The following FAM76A variants were observed in gnomAD, a reference collection of about 807,000 sequenced individuals.
The protein encoded by FAM76A is protein FAM76A.
A neutral mutation model predicts 46.2 loss-of-function variants in FAM76A; 32 were observed. The ratio of observed to expected loss-of-function variants is 0.69; its 90% CI spans 0.52 to 0.93. The LOEUF (loss-of-function observed/expected upper bound fraction) is 0.93. FAM76A is among the 40% of genes least tolerant of loss of function. FAM76A has a pLI of 0.00. For missense variants in FAM76A, 274 were observed against 361.5 expected, an observed-to-expected ratio of 0.76 and a Z score of 1.96; for synonymous variants, 137 against 127.0, an observed-to-expected ratio of 1.08 and a Z score of -0.53.
chr1:27,739,183 A>C (rs1472244410), intron 4 of FAM76A: 1 of 410,094 alleles, frequency 2.4e-6, no homozygotes, highest in African/African-American at 2.1e-5. Context: ...ATCAGTTCTA[A>C]GGATGCTGGA....
Position 27,734,023 on chromosome 1 carries a change from C to G in FAM76A, c.202-8C>G. On this transcript the variant is annotated splice_polypyrimidine_tract_variant and splice_region_variant and intron_variant, in intron 3 of 8. Transcript: ENST00000373954. ...AATACTTACTTGACTCTTTTTTCCC[C>G]TTTTAAGCCCAAACCTTGTCAGTAT... 1 of 1,596,028 alleles carries G rather than the reference C, an allele frequency of 6.3e-7. No individual in the cohort carries two copies. Among genetic ancestry groups the G allele is most frequent in the South Asian group, 1.2e-5 (1 of 86,906 alleles).
At chr1:27,734,315 A>G (rs897232537) in intron 4 of FAM76A, 132 bp downstream of exon 4, 55 of 810,216 alleles carry the variant, frequency 6.8e-5, no homozygotes, top group Non-Finnish European at 9.8e-5. Context: ...TGGGAGGCCG[A>G]GGCTAGTGGA....
Position 27,749,113 on chromosome 1 carries a change from G to GA in FAM76A, c.563dup (p.Ser189ValfsTer4). On this transcript the variant is annotated frameshift_variant, in exon 6 of 9. Coordinates refer to ENST00000373954, the MANE Select transcript of FAM76A (RefSeq NM_152660.3). LOFTEE classifies it high-confidence loss of function. ...CTTCAATTCAAAATGAAATCCCAAA[G>GA]AAAAAGTCCAAGTTTGAGTCAATCA... is the stretch of plus-strand genomic sequence containing the variant. 6.2e-7 allele frequency: 1 copy of GA among 1,607,170 alleles called. No individual in the cohort carries two copies. Among genetic ancestry groups the GA allele is most frequent in the Non-Finnish European group, 8.5e-7 (1 of 1,178,598 alleles).
chr1:27,737,865 CAACAAAAA>C (rs899200906), intron 4 of FAM76A, among the ~76,000 whole-genome samples: 2 of 34,244 alleles, frequency 5.8e-5, no homozygotes, highest in African/African-American at 2.1e-4. Flanking sequence ...ACAACAACAA[CAACAAAAA>C]AAAAAAAAAA....
Position 27,762,374 on chromosome 1 carries a change from G to C in FAM76A, c.*1793G>C, listed in dbSNP as rs1016286122. ...AGAATCATTTATGCAGGGGGTACTA[G>C]AGTTAGAAATAATAATGAGGGCAGA... On this transcript the variant is annotated 3_prime_UTR_variant, in exon 9 of 9. Transcript: ENST00000373954. The C allele has an allele frequency of 6.6e-6, 1 of 152,110 alleles. No individual in the cohort carries two copies. The highest frequency in any genetic ancestry group is 2.4e-5 in the African/African-American group (1 of 41,406). The allele number at this position is 152,110 out of a possible 1,614,324, so 9.4% of individuals were successfully genotyped here.
intron 6 of FAM76A, among the ~76,000 whole-genome samples, chr1:27,752,461 G>A (rs1311081244): frequency 2.6e-5 from 4 of 152,076 alleles, no homozygotes; most frequent in Non-Finnish European, 5.9e-5. Context: ...AAAATACACT[G>A]GCTACTTTTT....
intron 4 of FAM76A, among the ~76,000 whole-genome samples, chr1:27,738,718 G>C (rs1306285943): frequency 1.3e-5 from 2 of 152,104 alleles, no homozygotes. Flanking sequence ...AAGAGAAAAG[G>C]GTGAGGAGAA....
chr1:27,740,291 C>T, intron 4 of FAM76A: 1 of 796,974 alleles, frequency 1.3e-6, no homozygotes, highest in Non-Finnish European at 2.2e-6. Flanking sequence ...TGAAGGTTGG[C>T]CTTACCATCA....
At chr1:27,747,765 A>G (rs1317166221) in intron 5 of FAM76A, among the ~76,000 whole-genome samples, 3 of 151,900 alleles carry the variant, frequency 2.0e-5, no homozygotes, top group Non-Finnish European at 4.4e-5. Context: ...AAAAATACAA[A>G]ATTAACTGGG....
chr1:27,735,291 C>T (rs1364762231), intron 4 of FAM76A, among the ~76,000 whole-genome samples: 1 of 152,178 alleles, frequency 6.6e-6, no homozygotes, highest in East Asian at 1.9e-4. Context: ...TTATTGTCTT[C>T]ATAGCATCTC....
chr1:27,748,995 G>C (rs2088291209), intron 5 of FAM76A, 73 bp from the exon 6 acceptor site: 1 of 984,892 alleles, frequency 1.0e-6, no homozygotes, highest in African/African-American at 1.7e-5. Context: ...TGGTCTATTT[G>C]ACAGACTTTC....
chr1:27,737,523 T>A (rs2088069624), intron 4 of FAM76A, among the ~76,000 whole-genome samples: 1 of 151,970 alleles, frequency 6.6e-6, no homozygotes. Flanking sequence ...AAGACCAGCC[T>A]GGGCAACATG....
chr1:27,750,652 C>T (rs756272195), intron 6 of FAM76A, among the ~76,000 whole-genome samples: 17 of 152,232 alleles, frequency 1.1e-4, no homozygotes, highest in Non-Finnish European at 2.2e-4. Context: ...TCCAGTTTAA[C>T]CAACCAGTCC....
intron 7 of FAM76A, among the ~76,000 whole-genome samples, chr1:27,755,651 G>A (rs1571499238): frequency 6.6e-6 from 1 of 152,140 alleles, no homozygotes; most frequent in Admixed American, 6.5e-5. Context: ...CATGGCTACT[G>A]CAGCCTCTAA....
At chr1:27,735,999 T>C (rs1196744212) in intron 4 of FAM76A, among the ~76,000 whole-genome samples, 3 of 152,132 alleles carry the variant, frequency 2.0e-5, no homozygotes, top group African/African-American at 7.2e-5. Flanking sequence ...TCATAAACTT[T>C]AGGAGAGAGC....
intron 6 of FAM76A, among the ~76,000 whole-genome samples, chr1:27,754,659 T>G (rs1295512720): frequency 6.6e-6 from 1 of 152,026 alleles, no homozygotes; most frequent in African/African-American, 2.4e-5. Context: ...TCATCTTTTT[T>G]GAAAAAGAAC....
chr1:27,749,257 C>T, intron 6 of FAM76A, 103 bp downstream of exon 6: 1 of 649,630 alleles, frequency 1.5e-6, no homozygotes. Flanking sequence ...CTGTGGCTGT[C>T]AGTGAATCTT....
chr1:27,752,945 A>T (rs1220581354), intron 6 of FAM76A, among the ~76,000 whole-genome samples: 2 of 152,180 alleles, frequency 1.3e-5, no homozygotes, highest in African/African-American at 4.8e-5. Flanking sequence ...GGATCACCTG[A>T]GGTCGGGAGT....
At chr1:27,758,896 C>T (rs2088459721) in intron 7 of FAM76A, among the ~76,000 whole-genome samples, 1 of 152,106 alleles carries the variant, frequency 6.6e-6, no homozygotes, top group South Asian at 2.1e-4. Context: ...GGCTCTTTAG[C>T]ATAATGCCTG....
Sources: gnomAD v4.1 joint callset for allele counts (sites outside exome capture counted in the v4.1 genomes callset) on GRCh38, gnomAD v4.1.1 for gene constraint, MANE v1.5 for transcripts, NCBI Gene and HGNC (gene_info 2026-07-23, HGNC 2026-07-21) for gene names.